Variants in TENM1 observed in about 807,000 individuals in gnomAD.
TENM1 encodes the protein teneurin transmembrane protein 1.
In TENM1, 35 loss-of-function variants were observed where a neutral mutation model predicts 174.8. That is an observed-to-expected ratio of 0.20 (90% CI 0.15 to 0.27). The LOEUF is 0.27. Among genes scored for constraint, TENM1 ranks in the 10% least tolerant of loss-of-function variants. TENM1 has a pLI of 1.00. For synonymous variants in TENM1, 781 were observed against 798.7 expected (o/e 0.98, Z 0.37); for missense variants, 1,633 against 2,130.1 (o/e 0.77, Z 4.59).
At chrX:124,477,993 T>A (rs1025367628) in intron 22 of TENM1, among the ~76,000 whole-genome samples, 5 of 109,122 alleles carry the variant, frequency 4.6e-5, no homozygotes, top group Non-Finnish European at 7.5e-5. Flanking sequence ...TCATGCATTG[T>A]TGTGAACATC....
At chrX:124,846,031 T>C (rs183549757) in intron 3 of TENM1, among the ~76,000 whole-genome samples, 1 of 110,579 alleles carries the variant, frequency 9.0e-6, no homozygotes, top group East Asian at 2.9e-4. Context: ...GTGGCAGTAG[T>C]ACAAATATTT....
intron 3 of TENM1, among the ~76,000 whole-genome samples, chrX:124,793,191 C>A (rs1183214661): frequency 9.0e-6 from 1 of 110,860 alleles, no homozygotes; most frequent in African/African-American, 3.3e-5. Flanking sequence ...CAGACCTCAT[C>A]AATAAATTAT....
exon 32 of TENM1, chrX:124,379,642 T>C (rs2060135721): frequency 8.9e-6 from 1 of 112,258 alleles, no homozygotes; most frequent in Non-Finnish European, 1.9e-5. Context: ...TTACCGTTCA[T>C]GTGCACAAAA....
the TENM1 span, among the ~76,000 whole-genome samples, chrX:124,971,649 A>C: frequency 7.3e-4 from 82 of 111,980 alleles, no homozygotes; most frequent in African/African-American, 2.6e-3. Context: ...AGTTGAATTA[A>C]TGAGCCAAAA....
chrX:124,655,432 G>A (rs1443948247), intron 6 of TENM1, among the ~76,000 whole-genome samples: 1 of 112,062 alleles, frequency 8.9e-6, no homozygotes, highest in African/African-American at 3.2e-5. Flanking sequence ...AAGCAAGGAG[G>A]GTTACATCTC....
At chrX:124,631,918 G>GT (rs758718265) in intron 11 of TENM1, among the ~76,000 whole-genome samples, 8,379 of 83,098 alleles carry the variant, frequency 0.1, 499 homozygotes, top group Non-Finnish European at 0.12. Context: ...AATCCATACA[G>GT]TTTTTTTTTT....
intron 25 of TENM1, among the ~76,000 whole-genome samples, chrX:124,411,626 G>A (rs1334128126): frequency 9.0e-6 from 1 of 111,252 alleles, no homozygotes; most frequent in East Asian, 2.8e-4. Flanking sequence ...TGTCTCTGAT[G>A]CTCAATATGG....
At chrX:124,819,267 A>G (rs1352766151) in intron 3 of TENM1, among the ~76,000 whole-genome samples, 1 of 111,761 alleles carries the variant, frequency 8.9e-6, no homozygotes. Context: ...TTCATTGCAC[A>G]GTCTTATGAA....
intron 27 of TENM1, among the ~76,000 whole-genome samples, chrX:124,400,527 A>G (rs1238727943): frequency 4.4e-5 from 5 of 112,506 alleles, no homozygotes; most frequent in African/African-American, 1.6e-4. Context: ...TTTCATTTGT[A>G]AACACATAAT....
chrX:124,559,471 G>A (rs1014514621), intron 14 of TENM1, among the ~76,000 whole-genome samples: 4 of 110,532 alleles, frequency 3.6e-5, no homozygotes, highest in African/African-American at 6.6e-5. Flanking sequence ...AGTTTGAGAC[G>A]GGCCTGGGCA....
the TENM1 span, among the ~76,000 whole-genome samples, chrX:125,127,859 T>C: frequency 1.8e-5 from 2 of 111,148 alleles, no homozygotes; most frequent in South Asian, 3.8e-4. Context: ...GATGACTTTA[T>C]ATGGTCTCTC....
At chrX:124,616,102 C>T (rs184794288) in intron 11 of TENM1, among the ~76,000 whole-genome samples, 171 of 112,799 alleles carry the variant, frequency 1.5e-3, no homozygotes, top group African/African-American at 5.2e-3. Context: ...GCCTGCATGG[C>T]GCTACCAGCT....
intron 3 of TENM1, among the ~76,000 whole-genome samples, chrX:124,840,157 G>A (rs748196618): frequency 9.0e-6 from 1 of 111,457 alleles, no homozygotes; most frequent in South Asian, 3.8e-4. Flanking sequence ...CCCACCATTA[G>A]ATAAATTCAA....
the TENM1 span, among the ~76,000 whole-genome samples, chrX:125,137,279 C>T: frequency 1.8e-5 from 2 of 111,161 alleles, no homozygotes; most frequent in African/African-American, 3.3e-5. Context: ...ACCTTTCAAG[C>T]GGTGTCTGGA....
the TENM1 span, among the ~76,000 whole-genome samples, chrX:125,143,479 C>G: frequency 2.7e-5 from 3 of 111,388 alleles, no homozygotes; most frequent in Non-Finnish European, 5.7e-5. Flanking sequence ...GTTTACACAC[C>G]TTCTGTCATG....
the TENM1 span, among the ~76,000 whole-genome samples, chrX:125,075,457 A>G: frequency 9.0e-6 from 1 of 111,576 alleles, no homozygotes; most frequent in African/African-American, 3.3e-5. Context: ...ACATTTGGGC[A>G]TAAGTTTTTA....
chrX:124,401,714 A>C (rs898235101), intron 27 of TENM1, among the ~76,000 whole-genome samples: 13 of 111,784 alleles, frequency 1.2e-4, no homozygotes, highest in African/African-American at 4.2e-4. Context: ...CCCTTTTGGG[A>C]GCATACTCAT....
intron 3 of TENM1, among the ~76,000 whole-genome samples, chrX:124,783,695 G>C (rs2054971311): frequency 9.0e-6 from 1 of 111,479 alleles, no homozygotes; most frequent in South Asian, 3.7e-4. Flanking sequence ...GGAAGGCATG[G>C]GTTAATTTCC....
At chrX:125,188,815 T>G in the TENM1 span, among the ~76,000 whole-genome samples, 1 of 112,206 alleles carries the variant, frequency 8.9e-6, no homozygotes, top group Non-Finnish European at 1.9e-5. Flanking sequence ...CTGATGTGCA[T>G]TTTTCATCAC....
Sources: allele counts gnomAD v4.1 joint callset (sites outside exome capture counted in the v4.1 genomes callset), GRCh38; gene constraint gnomAD v4.1.1; transcripts MANE v1.5; gene names NCBI Gene and HGNC (gene_info 2026-07-23, HGNC 2026-07-21).